The following HMGCLL1 variants were observed in gnomAD, a reference collection of about 807,000 sequenced individuals.
HMGCLL1 encodes the protein 3-hydroxy-3-methylglutaryl-CoA lyase like 1, also known as 3-hydroxymethyl-3-methylglutaryl-CoA lyase, cytoplasmic.
A neutral mutation model predicts 39.1 loss-of-function variants in HMGCLL1; 36 were observed. That is an observed-to-expected ratio of 0.92 (90% CI 0.71 to 1.22). HMGCLL1 has a LOEUF of 1.22. Among genes scored for constraint, HMGCLL1 ranks in the 50% most tolerant of loss-of-function variants. The probability of loss-of-function intolerance (pLI) is 0.00; values close to 1 mark genes in which losing one functional copy is unlikely to be tolerated. For missense variants in HMGCLL1, 451 were observed against 416.5 expected, an observed-to-expected ratio of 1.08 and a Z score of -0.72; for synonymous variants, 149 against 144.0, an observed-to-expected ratio of 1.03 and a Z score of -0.25.
rs78459815 is a variant in HMGCLL1, at chr6:55,513,821, T to A, written c.542+227A>T. 36,439 of 510,232 alleles carry A rather than the reference T, an allele frequency of 0.071. 1,452 individuals carry two copies. The highest frequency in any genetic ancestry group is 0.15 in the East Asian group (4,351 of 29,594). The allele number at this position is 510,232 out of a possible 1,614,324, so 31.6% of individuals were successfully genotyped here. Reference sequence around the variant, plus strand: ...AATAATGCCAGATTTGCATGCTAGTTCCTCTGATTTCAACTGCATGACACA... The same window carrying A: ...AATAATGCCAGATTTGCATGCTAGTACCTCTGATTTCAACTGCATGACACA... On this transcript the variant is annotated intron_variant, in intron 5 of 8. Transcript: ENST00000274901.
At chr6:55,540,887 G>C (rs1408030251) in intron 3 of HMGCLL1, among the ~76,000 whole-genome samples, 1 of 152,076 alleles carries the variant, frequency 6.6e-6, no homozygotes. Context: ...GAAAAGCACT[G>C]AAAACAGAAT....
At chr6:55,481,796 A>G (rs948239384) in intron 7 of HMGCLL1, among the ~76,000 whole-genome samples, 14 of 149,618 alleles carry the variant, frequency 9.4e-5, no homozygotes, top group African/African-American at 3.4e-4. Context: ...TTATCTATCT[A>G]TCTACCTACC....
At chr6:55,524,785 T>C (rs1768228635) in intron 3 of HMGCLL1, among the ~76,000 whole-genome samples, 1 of 151,858 alleles carries the variant, frequency 6.6e-6, no homozygotes, top group Admixed American at 6.6e-5. Context: ...GAAAATTTCA[T>C]ATTTCCTGGT....
chr6:55,457,024 C>A (rs1029015475), intron 7 of HMGCLL1, among the ~76,000 whole-genome samples: 3 of 152,186 alleles, frequency 2.0e-5, no homozygotes, highest in Non-Finnish European at 2.9e-5. Context: ...CTGCTAACCT[C>A]TGGGATGCTT....
chr6:55,512,368 C>T (rs564610267), intron 5 of HMGCLL1: 54 of 152,068 alleles, frequency 3.6e-4, no homozygotes, highest in African/African-American at 1.2e-3. Context: ...AAAATTGAGA[C>T]AACTTATTTA....
At chr6:55,501,262 G>T (rs776686798) in intron 5 of HMGCLL1, among the ~76,000 whole-genome samples, 53 of 151,812 alleles carry the variant, frequency 3.5e-4, no homozygotes, top group Middle Eastern at 3.2e-3. Context: ...CTAAAGCAGA[G>T]GTTGGTACAC....
chr6:55,581,549 T>A (rs1341155231), upstream of HMGCLL1, among the ~76,000 whole-genome samples: 1 of 152,144 alleles, frequency 6.6e-6, no homozygotes, highest in Non-Finnish European at 1.5e-5. Flanking sequence ...TACTTAGTAT[T>A]AATGTACATC....
intron 1 of HMGCLL1, among the ~76,000 whole-genome samples, chr6:55,555,335 A>C (rs182943907): frequency 0.017 from 2,489 of 144,198 alleles, 67 homozygotes; most frequent in African/African-American, 0.059. Flanking sequence ...AAAATATCAA[A>C]AAGTCAACAA....
the HMGCLL1 span, among the ~76,000 whole-genome samples, chr6:55,656,859 A>T: frequency 6.6e-6 from 1 of 152,040 alleles, no homozygotes; most frequent in African/African-American, 2.4e-5. Flanking sequence ...ATGAAGGGAG[A>T]CCAGTTAAAT....
At position 55,578,875 on chromosome 6, in the gene HMGCLL1, G is replaced by A. The variant is rs73444702; in HGVS notation, c.108+73C>T. 651 of 1,082,246 alleles carry A rather than the reference G, an allele frequency of 6.0e-4. 5 individuals carry two copies. In the African/African-American group the frequency reaches 8.9e-3, roughly 15 times the overall value. The allele number at this position is 1,082,246 out of a possible 1,614,324, so 67.0% of individuals were successfully genotyped here. A position where few individuals can be genotyped will look rare whatever the true frequency, so the allele number is the denominator to read the frequency against. Reference sequence around the variant, plus strand: ...TGACATAAAGGGAGGAGGGCACCAAGAGGTTGCAGGGAGAGAGGCTGGCTG... The same window carrying A: ...TGACATAAAGGGAGGAGGGCACCAAAAGGTTGCAGGGAGAGAGGCTGGCTG... On this transcript the variant is annotated intron_variant, in intron 1 of 8. Coordinates refer to ENST00000274901, the MANE Select transcript of HMGCLL1 (RefSeq NM_001042406.2).
At chr6:55,650,116 TA>T in the HMGCLL1 span, among the ~76,000 whole-genome samples, 115 of 79,436 alleles carry the variant, frequency 1.4e-3, 7 homozygotes, top group African/African-American at 4.2e-3. Flanking sequence ...TATATATATA[TA>T]TATATATATA....
At chr6:55,441,608 A>G (rs1282673701) in intron 7 of HMGCLL1, among the ~76,000 whole-genome samples, 1 of 152,284 alleles carries the variant, frequency 6.6e-6, no homozygotes. Flanking sequence ...ATACCACATT[A>G]GTAGTCAGGT....
chr6:55,639,932 G>T, the HMGCLL1 span, among the ~76,000 whole-genome samples: 1 of 151,972 alleles, frequency 6.6e-6, no homozygotes, highest in Non-Finnish European at 1.5e-5. Flanking sequence ...AAAAAAATTA[G>T]CCAGGCGTGG....
At chr6:55,447,748 A>C (rs1430827963) in intron 7 of HMGCLL1, among the ~76,000 whole-genome samples, 1 of 152,160 alleles carries the variant, frequency 6.6e-6, no homozygotes, top group Non-Finnish European at 1.5e-5. Flanking sequence ...TTAGTAACAC[A>C]TGCCCATTTT....
intron 1 of HMGCLL1, chr6:55,576,947 C>A: frequency 8.0e-7 from 1 of 1,243,780 alleles, no homozygotes; most frequent in Non-Finnish European, 1.1e-6. Flanking sequence ...GACTGGAATT[C>A]AAGAGAAATA....
the HMGCLL1 span, among the ~76,000 whole-genome samples, chr6:55,601,391 T>C: frequency 2.0e-5 from 3 of 152,186 alleles, no homozygotes; most frequent in South Asian, 6.2e-4. Flanking sequence ...TTCTGCAGGA[T>C]AGCTTTGACT....
At chr6:55,483,895 A>T (rs1232497154) in intron 7 of HMGCLL1, among the ~76,000 whole-genome samples, 2 of 152,238 alleles carry the variant, frequency 1.3e-5, no homozygotes, top group Non-Finnish European at 2.9e-5. Context: ...GTTATCACAG[A>T]ATAGAAATTC....
At chr6:55,452,274 T>A (rs1764130838) in intron 7 of HMGCLL1, among the ~76,000 whole-genome samples, 1 of 152,220 alleles carries the variant, frequency 6.6e-6, no homozygotes, top group Admixed American at 6.5e-5. Context: ...TGGCTGCAGC[T>A]GATTGGACTT....
chr6:55,595,825 T>C, the HMGCLL1 span, among the ~76,000 whole-genome samples: 1 of 152,202 alleles, frequency 6.6e-6, no homozygotes, highest in Non-Finnish European at 1.5e-5. Context: ...AATATATCAT[T>C]GACCCACAAT....
Sources: gnomAD v4.1 joint callset for allele counts (sites outside exome capture counted in the v4.1 genomes callset) on GRCh38, gnomAD v4.1.1 for gene constraint, MANE v1.5 for transcripts, NCBI Gene and HGNC (gene_info 2026-07-23, HGNC 2026-07-21) for gene names.